Variants in WNK1 observed in about 807,000 individuals in gnomAD.
The protein encoded by WNK1 is WNK lysine deficient protein kinase 1, also known as serine/threonine-protein kinase WNK1.
A neutral mutation model predicts 222.8 loss-of-function variants in WNK1; 38 were observed. The ratio of observed to expected loss-of-function variants is 0.17; its 90% confidence interval spans 0.13 to 0.22. WNK1 has a LOEUF of 0.22. Among genes scored for constraint, WNK1 ranks in the 10% least tolerant of loss-of-function variants. The probability of loss-of-function intolerance (pLI) is 1.00; values close to 1 mark genes in which losing one functional copy is unlikely to be tolerated. For synonymous variants in WNK1, 1,090 were observed against 1,092.9 expected (o/e 1.00, Z 0.05); for missense variants, 2,348 against 2,918.4 (o/e 0.80, Z 4.50).
chr12:897,521 T>G lies in WNK1; in HGVS notation c.6288T>G (p.His2096Gln). 1 of 1,612,860 alleles carries G rather than the reference T, an allele frequency of 6.2e-7. No homozygotes were observed. Among genetic ancestry groups the G allele is most frequent in the Non-Finnish European group, 8.5e-7 (1 of 1,178,790 alleles). ...EIQDLQSRQK[H>Q]EIESLYTKLG... is the part of the protein sequence containing the mutation. The stretch of plus-strand genomic sequence containing the variant: ...AGGACCTGCAGAGTCGCCAGAAGCA[T>G]GAAATTGAATCTTTGTATACCAAAC... The change falls in exon 25 of 28, where the codon CAT (histidine) becomes CAG (glutamine). Residue 2096 changes from histidine (H) to glutamine (Q), a missense_variant. Around this residue, in one of 13 missense-constraint regions of WNK1, gnomAD observed 1,144 missense variants for 1,273.6 expected, o/e 0.90. Coordinates refer to ENST00000315939, the MANE Select transcript of WNK1 (RefSeq NM_018979.4).
intron 2 of WNK1, among the ~76,000 whole-genome samples, chr12:814,229 T>G (rs1276219813): frequency 6.6e-6 from 1 of 150,786 alleles, no homozygotes; most frequent in Non-Finnish European, 1.5e-5. Context: ...CTTGGGAGGC[T>G]GAGGCAGGAG....
intron 8 of WNK1, chr12:869,263 A>T (rs183965580): frequency 2.0e-6 from 2 of 1,009,838 alleles, no homozygotes; most frequent in East Asian, 4.8e-5. Flanking sequence ...TGAACTACAT[A>T]TATGCATTTA....
rs2120976742 is a variant in WNK1, at chr12:753,387, G to A, written c.-179G>A. ...TCGGTGCCAGCCCCCGCCGCAGCTG[G>A]GCCCAGCGGTCCGCCTGTCCCTCGT... On this transcript the variant is annotated 5_prime_UTR_variant, in exon 1 of 28. Transcript: ENST00000315939. This position sits in a 1 kb window ranked among gnomAD's most constrained non-coding sequence, Gnocchi z 5.2. The A allele has an allele frequency of 1.3e-6, 1 of 780,656 alleles. No individual in the cohort carries two copies. Among genetic ancestry groups the A allele is most frequent in the East Asian group, 2.8e-5 (1 of 36,262 alleles). 48.4% of individuals were successfully genotyped at this position (780,656 alleles called of 1,614,324 possible). A position where few individuals can be genotyped will look rare whatever the true frequency, so the allele number is the denominator to read the frequency against.
chr12:906,650 C>T (rs1272257750), intron 26 of WNK1: 1 of 985,182 alleles, frequency 1.0e-6, no homozygotes, highest in Non-Finnish European at 1.2e-6. Flanking sequence ...AGGTTAACCC[C>T]TCCCAAGTTT....
At chr12:873,800 C>A (rs1339301607) in intron 9 of WNK1, among the ~76,000 whole-genome samples, 1 of 152,102 alleles carries the variant, frequency 6.6e-6, no homozygotes, top group Non-Finnish European at 1.5e-5. Context: ...GTCCCAATCC[C>A]ACCTTAGAGA....
At chr12:889,376 A>C (rs1451415486) in intron 21 of WNK1, among the ~76,000 whole-genome samples, 153 bp downstream of exon 21, 2 of 152,250 alleles carry the variant, frequency 1.3e-5, no homozygotes, top group African/African-American at 4.8e-5. Flanking sequence ...TGATTAATGA[A>C]AGATTCATGC....
intron 4 of WNK1, among the ~76,000 whole-genome samples, chr12:847,908 G>A (rs1459988361): frequency 7.1e-6 from 1 of 141,560 alleles, no homozygotes; most frequent in African/African-American, 2.6e-5. Context: ...CCAGGTTTAA[G>A]TGATAACTCC....
At chr12:848,466 CTT>C (rs1950184287) in intron 4 of WNK1, among the ~76,000 whole-genome samples, 3 of 135,606 alleles carry the variant, frequency 2.2e-5, no homozygotes. Context: ...AAAACAATGA[CTT>C]GTGAGGCAGC....
intron 24 of WNK1, 83 bp downstream of exon 24, chr12:896,815 G>T: frequency 1.4e-6 from 2 of 1,460,288 alleles, no homozygotes; most frequent in Middle Eastern, 2.1e-4. Flanking sequence ...AATATTTTTC[G>T]CCACAATATG....
At position 762,607 on chromosome 12, in the gene WNK1, T is replaced by C. The variant is rs1047835279; in HGVS notation, c.759+8283T>C. On this transcript the variant is annotated intron_variant, in intron 1 of 27. Transcript: ENST00000315939. ...AGTAGAGAGTAACTGAAGAGTTGAG[T>C]TTTAAACAGAGAAGTTAATTGGTTA... Among the ~76,000 whole-genome samples the C allele has an allele frequency of 8.2e-5, 12 of 146,496 alleles. 1 individual carries two copies. Among genetic ancestry groups the C allele is most frequent in the Admixed American group, 5.4e-4 (8 of 14,770 alleles).
intron 10 of WNK1, 94 bp downstream of exon 10, chr12:878,455 A>G (rs1289503899): frequency 7.2e-7 from 1 of 1,391,714 alleles, no homozygotes; most frequent in African/African-American, 1.4e-5. Context: ...TCATGTGGAT[A>G]GACTTCTACC....
intron 10 of WNK1, among the ~76,000 whole-genome samples, chr12:879,316 A>C (rs1430512970): frequency 6.6e-6 from 1 of 151,962 alleles, no homozygotes. Context: ...AGCATTAGCA[A>C]ATATTTCTAT....
chr12:832,069 T>A (rs185001616), intron 4 of WNK1, among the ~76,000 whole-genome samples: 18 of 152,216 alleles, frequency 1.2e-4, no homozygotes, highest in Admixed American at 9.8e-4. Context: ...TTATTTTTAA[T>A]TTTTTATTTA....
intron 2 of WNK1, among the ~76,000 whole-genome samples, chr12:825,819 T>A (rs1948315367): frequency 6.8e-6 from 1 of 147,790 alleles, no homozygotes; most frequent in Non-Finnish European, 1.5e-5. Context: ...TAACCAATCA[T>A]GTGTGTATTT....
In WNK1 at chr12:753,186, C is replaced by T. The variant is rs1225904219; in HGVS notation, c.-380C>T. 4 of 175,374 alleles carry T rather than the reference C, an allele frequency of 2.3e-5. No individual in the cohort carries two copies. The highest frequency in any genetic ancestry group is 4.8e-5 in the Non-Finnish European group (4 of 83,542). The allele number at this position is 175,374 out of a possible 1,614,324, so 10.9% of individuals were successfully genotyped here. On this transcript the variant is annotated 5_prime_UTR_variant, in exon 1 of 28. Coordinates refer to ENST00000315939, the MANE Select transcript of WNK1 (RefSeq NM_018979.4). The surrounding 1 kb of genome is among the most constrained non-coding windows in gnomAD (Gnocchi z 5.2). ...GCAGTGGGAGCCGCGTCCGCCGCAT[C>T]CGCCTCGACTCGGTGCCGGCCCCTG...
Position 866,472 on chromosome 12 carries a change from C to T in WNK1, c.2139+4202C>T, listed in dbSNP as rs534378859. Among the ~76,000 whole-genome samples, 11 of 152,284 alleles carry T rather than the reference C, an allele frequency of 7.2e-5. No individual in the cohort carries two copies. In the South Asian group the frequency reaches 2.3e-3, roughly 32 times the overall value. Reference sequence around the variant, plus strand: ...CTGCCTCCTGGGTTCAAGTGATTCTCCTGCCTCAGCCTCCCGAGTAGCTAG... The same window carrying T: ...CTGCCTCCTGGGTTCAAGTGATTCTTCTGCCTCAGCCTCCCGAGTAGCTAG... On this transcript the variant is annotated intron_variant, in intron 8 of 27. Transcript: ENST00000315939.
intron 8 of WNK1, among the ~76,000 whole-genome samples, chr12:863,906 A>G (rs1300980066): frequency 6.6e-6 from 1 of 152,198 alleles, no homozygotes; most frequent in Non-Finnish European, 1.5e-5. Flanking sequence ...AAACAATCAT[A>G]TGATGATATG....
At chr12:865,328 C>T (rs750430448) in intron 8 of WNK1, 1 of 1,536,140 alleles carries the variant, frequency 6.5e-7, no homozygotes, top group Non-Finnish European at 8.7e-7. Context: ...AGCGCAAGCA[C>T]CGACGCTCCA....
chr12:856,761 A>G (rs1390582676), intron 4 of WNK1, among the ~76,000 whole-genome samples: 1 of 152,236 alleles, frequency 6.6e-6, no homozygotes, highest in Non-Finnish European at 1.5e-5. Flanking sequence ...ATGCCCACAC[A>G]TGGGTTCAGT....
Sources: gnomAD v4.1 joint callset for allele counts (sites outside exome capture counted in the v4.1 genomes callset) on GRCh38, gnomAD v4.1.1 for gene constraint, gnomAD v4.1.1 regional missense constraint, Gnocchi (gnomAD v3.1) non-coding constraint, MANE v1.5 for transcripts, NCBI Gene and HGNC (gene_info 2026-07-23, HGNC 2026-07-21) for gene names.